The following HTR6 variants were observed in gnomAD, a reference collection of about 807,000 sequenced individuals.
HTR6 encodes the protein 5-hydroxytryptamine (serotonin) receptor 6, G protein-coupled.
A neutral mutation model predicts 17.4 loss-of-function variants in HTR6; 15 were observed. The ratio of observed to expected loss-of-function variants is 0.86; its 90% CI spans 0.58 to 1.33. The LOEUF is 1.33. HTR6 is among the 40% of genes most tolerant of loss of function. HTR6 has a pLI of 0.00. For synonymous variants in HTR6, 326 were observed against 295.5 expected (o/e 1.10, Z -1.06); for missense variants, 578 against 616.0 (o/e 0.94, Z 0.65).
intron 1 of HTR6, among the ~76,000 whole-genome samples, chr1:19,672,830 G>T (rs2095089796): frequency 6.6e-6 from 1 of 152,144 alleles, no homozygotes; most frequent in South Asian, 2.1e-4. Flanking sequence ...AGGAGTTCGA[G>T]ACCAGCCTGG....
intron 1 of HTR6, among the ~76,000 whole-genome samples, chr1:19,676,421 T>G (rs1017773769): frequency 2.0e-5 from 3 of 152,082 alleles, no homozygotes; most frequent in Non-Finnish European, 4.4e-5. Flanking sequence ...AGGCCTCTGT[T>G]GTGAATTTGT....
intron 1 of HTR6, among the ~76,000 whole-genome samples, chr1:19,667,819 G>A (rs2095083467): frequency 6.6e-6 from 1 of 152,228 alleles, no homozygotes; most frequent in African/African-American, 2.4e-5. Flanking sequence ...AGGGGTGGGT[G>A]TGTAGACCGA....
chr1:19,672,526 G>A (rs2095089469), intron 1 of HTR6, among the ~76,000 whole-genome samples: 2 of 152,132 alleles, frequency 1.3e-5, no homozygotes, highest in South Asian at 4.1e-4. Flanking sequence ...GCTGCTCAGA[G>A]CCAGGCAGCC....
In HTR6 at chr1:19,679,371, C is replaced by A. The variant is rs200405507; in HGVS notation, c.*3C>A. 3.8e-6 allele frequency: 6 copies of A among 1,577,228 alleles called. No individual in the cohort carries two copies. The highest frequency in any genetic ancestry group is 1.3e-5 in the African/African-American group (1 of 74,368). Reference sequence around the variant, plus strand: ...CACTTGGCATCCCCACGAACTGACCCGGGCTTGGGGCTGGCCAATGGGGAG... The same window carrying A: ...CACTTGGCATCCCCACGAACTGACCAGGGCTTGGGGCTGGCCAATGGGGAG... On this transcript the variant is annotated 3_prime_UTR_variant, in exon 3 of 3. Transcript: ENST00000289753. This position sits in a 1 kb window ranked among gnomAD's most constrained non-coding sequence, Gnocchi z 4.9.
At chr1:19,674,625 C>T (rs781050584) in intron 1 of HTR6, among the ~76,000 whole-genome samples, 1 of 152,142 alleles carries the variant, frequency 6.6e-6, no homozygotes, top group South Asian at 2.1e-4. Context: ...AGGCTGGTCT[C>T]GAACTACTGA....
Position 19,678,559 on chromosome 1 carries a change from T to A in HTR6, c.715-8T>A, listed in dbSNP as rs541504469. The A allele has an allele frequency of 6.2e-7, 1 of 1,612,294 alleles. No individual in the cohort carries two copies. Among genetic ancestry groups the A allele is most frequent in the South Asian group, 1.1e-5 (1 of 90,996 alleles). ...CTCAACGGACTCATGTGGCCTTCCT[T>A]TCCGCAGGTGCCCAGGACCCCACGC... On this transcript the variant is annotated splice_polypyrimidine_tract_variant and splice_region_variant and intron_variant, in intron 1 of 2. Transcript: ENST00000289753.
At chr1:19,675,326 T>C (rs2095092983) in intron 1 of HTR6, among the ~76,000 whole-genome samples, 1 of 152,166 alleles carries the variant, frequency 6.6e-6, no homozygotes, top group Non-Finnish European at 1.5e-5. Context: ...GTGTAGTAAG[T>C]GCTCGAGAAA....
Position 19,679,423 on chromosome 1 carries a change from A to G in HTR6, c.*55A>G. 6.7e-7 allele frequency: 1 copy of G among 1,484,926 alleles called. No homozygotes were observed. 92.0% of individuals were successfully genotyped at this position (1,484,926 alleles called of 1,614,324 possible). A position where few individuals can be genotyped will look rare whatever the true frequency, so the allele number is the denominator to read the frequency against. On this transcript the variant is annotated 3_prime_UTR_variant, in exon 3 of 3. Coordinates refer to ENST00000289753, the MANE Select transcript of HTR6 (RefSeq NM_000871.3). The surrounding 1 kb of genome is among the most constrained non-coding windows in gnomAD (Gnocchi z 4.9). ...TGGATTGAGCAGAACCCAGACCCTG[A>G]GTCCTTGGGCCAGCTCTTGGCTAAG... is the stretch of plus-strand genomic sequence containing the variant.
Position 19,666,769 on chromosome 1 carries a change from C to T in HTR6, c.714+302C>T, listed in dbSNP as rs879658386. On this transcript the variant is annotated intron_variant, in intron 1 of 2. Coordinates refer to ENST00000289753, the MANE Select transcript of HTR6 (RefSeq NM_000871.3). The surrounding 1 kb of genome is among the most constrained non-coding windows in gnomAD (Gnocchi z 4.5). ...CCCATCATGGCAAATGGCACCATTG[C>T]GGCATCACATGCCAGGAACTTAGGA... is the stretch of plus-strand genomic sequence containing the variant. 3.0e-4 allele frequency among the ~76,000 whole-genome samples: 45 copies of T among 152,016 alleles called. No homozygotes were observed. The highest frequency in any genetic ancestry group is 8.5e-4 in the African/African-American group (35 of 41,396).
At chr1:19,671,674 C>T (rs567868144) in intron 1 of HTR6, among the ~76,000 whole-genome samples, 8 of 152,154 alleles carry the variant, frequency 5.3e-5, no homozygotes, top group Non-Finnish European at 1.0e-4. Context: ...TGGCTTCCTG[C>T]CCCATTCCAC....
rs1307686800 is a variant in HTR6 at position 19,665,833 on chromosome 1, G to T, written c.80G>T (p.Gly27Val). Residue 27 changes from glycine (G) to valine (V), a missense_variant, in exon 1 of 3, where the codon GGC (glycine) becomes GTC (valine). Gly to Val is a moderately radical substitution (Grantham distance 109). Transcript: ENST00000289753. The surrounding 1 kb of genome is among the most constrained non-coding windows in gnomAD (Gnocchi z 4.2). ...CCGCCGTCGGCCCCGGGGGGCAGCGGCTGGGTGGCGGCCGCGCTGTGCGTG... is the reference window on the plus strand; with the variant it reads ...CCGCCGTCGGCCCCGGGGGGCAGCGTCTGGGTGGCGGCCGCGCTGTGCGTG... Reference protein sequence around the residue: ...AGPPSAPGGSGWVAAALCVVI... With the variant: ...AGPPSAPGGSVWVAAALCVVI... 6.4e-7 allele frequency: 1 copy of T among 1,565,412 alleles called. No individual in the cohort carries two copies. Among genetic ancestry groups the T allele is most frequent in the Non-Finnish European group, 8.6e-7 (1 of 1,157,094 alleles).
At chr1:19,678,840 G>A (rs975287163) in intron 2 of HTR6, 79 bp from the exon 3 acceptor site, 52 of 1,557,202 alleles carry the variant, frequency 3.3e-5, no homozygotes, top group Non-Finnish European at 4.4e-5. Context: ...GTGTGTGTGT[G>A]TGTCTGCTCC....
intron 2 of HTR6, 49 bp downstream of exon 2, chr1:19,678,774 C>T: frequency 2.5e-6 from 4 of 1,579,996 alleles, no homozygotes; most frequent in Non-Finnish European, 3.5e-6. Flanking sequence ...CAGGAGAGGC[C>T]CTGGATCCCA....
In HTR6 at chr1:19,678,867, G is replaced by A. The variant is rs2095097643; in HGVS notation, c.874-52G>A. ...GTCTGCTCCATACATGCTGGGAAGGGTGGCCTGGGTCCCTGCCCTGGGACC... is the reference window on the plus strand; with the variant it reads ...GTCTGCTCCATACATGCTGGGAAGGATGGCCTGGGTCCCTGCCCTGGGACC... On this transcript the variant is annotated intron_variant, in intron 2 of 2. Transcript: ENST00000289753. 1.0e-5 allele frequency: 16 copies of A among 1,560,124 alleles called. No homozygotes were observed. In the East Asian group the frequency reaches 3.6e-4, roughly 35 times the overall value.
At chr1:19,670,675 G>T (rs1037656383) in intron 1 of HTR6, among the ~76,000 whole-genome samples, 9 of 152,212 alleles carry the variant, frequency 5.9e-5, no homozygotes, top group Non-Finnish European at 1.0e-4. Context: ...TGTTGCCCAG[G>T]CTGGTCTTGA....
chr1:19,665,808 C>T lies in HTR6; in HGVS notation c.55C>T (p.Pro19Ser). Residue 19 changes from proline (P) to serine (S), a missense_variant, in exon 1 of 3, where the codon CCG becomes TCG. By Grantham distance (74) the Pro-to-Ser change is moderately conservative. Transcript: ENST00000289753. The surrounding 1 kb of genome is among the most constrained non-coding windows in gnomAD (Gnocchi z 4.2). ...TAGCACCCCGGCCTGGGGGGCAGGG[C>T]CGCCGTCGGCCCCGGGGGGCAGCGG... ...ANSTPAWGAG[P>S]PSAPGGSGWV... 1.8e-5 allele frequency: 27 copies of T among 1,526,670 alleles called. No homozygotes were observed. Among genetic ancestry groups the T allele is most frequent in the Non-Finnish European group, 2.3e-5 (26 of 1,145,178 alleles). 94.6% of individuals were successfully genotyped at this position (1,526,670 alleles called of 1,614,324 possible).
intron 1 of HTR6, among the ~76,000 whole-genome samples, chr1:19,677,450 C>T (rs1320982): frequency 0.014 from 2,108 of 152,292 alleles, 72 homozygotes; most frequent in African/African-American, 0.048. Context: ...CCTTCCTCCT[C>T]TTCCTGTCCA....
At chr1:19,671,292 G>A (rs944755907) in intron 1 of HTR6, among the ~76,000 whole-genome samples, 16 of 152,306 alleles carry the variant, frequency 1.1e-4, no homozygotes, top group African/African-American at 3.4e-4. Flanking sequence ...CTAAGGCAGA[G>A]TGACTCAGGG....
chr1:19,670,711 G>A (rs149871242), intron 1 of HTR6, among the ~76,000 whole-genome samples: 11 of 152,218 alleles, frequency 7.2e-5, no homozygotes, highest in East Asian at 1.9e-4. Flanking sequence ...CAATCCACCC[G>A]CCTTGGCTTT....
Sources: allele counts gnomAD v4.1 joint callset (sites outside exome capture counted in the v4.1 genomes callset), GRCh38; gene constraint gnomAD v4.1.1; non-coding constraint Gnocchi (gnomAD v3.1); transcripts MANE v1.5; gene names NCBI Gene and HGNC (gene_info 2026-07-23, HGNC 2026-07-21).